MEGF10: variants seen among roughly 807,000 people sequenced by gnomAD.
MEGF10 encodes the protein multiple EGF like domains 10, also known as multiple epidermal growth factor-like domains protein 10.
In MEGF10, 86 loss-of-function variants were observed where a neutral mutation model predicts 147.5. That is an observed-to-expected ratio of 0.58 (90% CI 0.49 to 0.70). The LOEUF is 0.70. Ranked by LOEUF, MEGF10 falls within the 30% of genes least tolerant of loss-of-function variation. The probability of loss-of-function intolerance (pLI) is 0.00; values close to 1 mark genes in which losing one functional copy is unlikely to be tolerated. For missense variants in MEGF10, 1,329 were observed against 1,487.3 expected, an observed-to-expected ratio of 0.89 and a Z score of 1.75; for synonymous variants, 478 against 525.5, an observed-to-expected ratio of 0.91 and a Z score of 1.24.
Position 127,419,229 on chromosome 5 carries a change from C to T in MEGF10, c.1415C>T (p.Thr472Ile). Reference protein sequence around the residue: ...AVCSPVDGSCTCKAGWHGVDC... With the variant: ...AVCSPVDGSCICKAGWHGVDC... ...TGCTCTCCTGTGGACGGGTCTTGTA[C>T]TTGCAAGGCAGGTAAGAATGGGTAA... is the stretch of plus-strand genomic sequence containing the variant. The change falls in exon 11 of 25, where the codon ACT (threonine) becomes ATT (isoleucine). Residue 472 changes from threonine to isoleucine, a missense_variant. Thr to Ile is a moderately conservative substitution (Grantham distance 89). This residue lies in a region of MEGF10 where 980 missense variants were observed against 1,085.9 expected (regional missense o/e 0.90). Coordinates refer to ENST00000503335, the MANE Select transcript of MEGF10 (RefSeq NM_001256545.2). 6.2e-7 allele frequency: 1 copy of T among 1,613,440 alleles called. No homozygotes were observed. The highest frequency in any genetic ancestry group is 8.5e-7 in the Non-Finnish European group (1 of 1,179,848).
At chr5:127,435,640 TC>T (rs965285533) in intron 16 of MEGF10, 151 bp downstream of exon 16, 1 of 860,286 alleles carries the variant, frequency 1.2e-6, no homozygotes, top group Non-Finnish European at 1.6e-6. Context: ...TTTTTAAAAT[TC>T]TTTTTTTTTT....
At chr5:127,283,900 G>A in the MEGF10 span, among the ~76,000 whole-genome samples, 1 of 151,982 alleles carries the variant, frequency 6.6e-6, no homozygotes, top group Non-Finnish European at 1.5e-5. Context: ...ACTTTTTTTG[G>A]GGGAAAACAC....
At position 127,319,884 on chromosome 5, in the gene MEGF10, A is replaced by T. The variant is rs993719760; in HGVS notation, c.-18-11407A>T. 2.6e-5 allele frequency among the ~76,000 whole-genome samples: 4 copies of T among 152,222 alleles called. No individual in the cohort carries two copies. In the East Asian group the frequency reaches 7.7e-4, roughly 29 times the overall value. On this transcript the variant is annotated intron_variant, in intron 1 of 24. Transcript: ENST00000503335. ...ATAGCAATTCGTATTATTGGGCAAGACAGACTGACAGGATCTTGAATTTTG... is the reference window on the plus strand; with the variant it reads ...ATAGCAATTCGTATTATTGGGCAAGTCAGACTGACAGGATCTTGAATTTTG...
At chr5:127,338,930 G>A (rs41298302) in intron 2 of MEGF10, among the ~76,000 whole-genome samples, 190 bp from the exon 3 acceptor site, 107 of 152,092 alleles carry the variant, frequency 7.0e-4, no homozygotes, top group Non-Finnish European at 1.3e-3. Context: ...TATTTTAAAT[G>A]TATTGTTAAA....
rs750734987 is a variant in MEGF10 at position 127,402,537 on chromosome 5, T to A, written c.781-9T>A. 1 of 1,610,224 alleles carries A rather than the reference T, an allele frequency of 6.2e-7. No homozygotes were observed. Among genetic ancestry groups the A allele is most frequent in the South Asian group, 1.1e-5 (1 of 90,144 alleles). On this transcript the variant is annotated splice_polypyrimidine_tract_variant and intron_variant, in intron 7 of 24. Coordinates refer to ENST00000503335, the MANE Select transcript of MEGF10 (RefSeq NM_001256545.2). ...GCCCATCTAATTTTCCAAGTCTCTTTGAATGCAGGGCACAGTGTGTGGTCA... is the reference window on the plus strand; with the variant it reads ...GCCCATCTAATTTTCCAAGTCTCTTAGAATGCAGGGCACAGTGTGTGGTCA...
At chr5:127,268,756 G>A in the MEGF10 span, among the ~76,000 whole-genome samples, 1 of 152,212 alleles carries the variant, frequency 6.6e-6, no homozygotes, top group Non-Finnish European at 1.5e-5. Flanking sequence ...CTCCTAGCAC[G>A]GAGTTTGAGA....
chr5:127,329,889 T>C (rs1042427710), intron 1 of MEGF10, among the ~76,000 whole-genome samples: 3 of 152,188 alleles, frequency 2.0e-5, no homozygotes, highest in Non-Finnish European at 4.4e-5. Flanking sequence ...GATTCTCAGG[T>C]GCAAACCATT....
At chr5:127,277,374 G>A in the MEGF10 span, among the ~76,000 whole-genome samples, 3 of 152,192 alleles carry the variant, frequency 2.0e-5, no homozygotes, top group Non-Finnish European at 4.4e-5. Flanking sequence ...TGGGCCTATT[G>A]TAACTGTATC....
chr5:127,291,835 A>G (rs1279103830), intron 1 of MEGF10, among the ~76,000 whole-genome samples: 1 of 152,210 alleles, frequency 6.6e-6, no homozygotes, highest in Non-Finnish European at 1.5e-5. Flanking sequence ...TGATGGCAAT[A>G]TCTTTGCTGC....
intron 5 of MEGF10, among the ~76,000 whole-genome samples, chr5:127,383,844 C>T (rs1044757499): frequency 1.3e-5 from 2 of 152,052 alleles, no homozygotes; most frequent in African/African-American, 4.8e-5. Context: ...TCTCATAGTC[C>T]CATCGTTTAA....
intron 5 of MEGF10, among the ~76,000 whole-genome samples, chr5:127,384,414 C>G (rs12516880): frequency 0.024 from 3,688 of 152,318 alleles, 61 homozygotes; most frequent in Admixed American, 0.064. Context: ...CTTTTCACAT[C>G]AGTGAATGAA....
the MEGF10 span, among the ~76,000 whole-genome samples, chr5:127,243,328 A>G: frequency 6.6e-6 from 1 of 152,222 alleles, no homozygotes; most frequent in Non-Finnish European, 1.5e-5. Context: ...ATTCAGGACT[A>G]TTAAAGATGG....
intron 1 of MEGF10, among the ~76,000 whole-genome samples, chr5:127,319,562 C>G (rs1310417533): frequency 1.3e-5 from 2 of 152,168 alleles, no homozygotes; most frequent in Admixed American, 6.5e-5. Flanking sequence ...TAGGAGATGT[C>G]AGTTTACCTT....
At chr5:127,351,099 A>G (rs1762071881) in intron 4 of MEGF10, among the ~76,000 whole-genome samples, 1 of 152,212 alleles carries the variant, frequency 6.6e-6, no homozygotes, top group African/African-American at 2.4e-5. Context: ...GGGTGATTAT[A>G]GTCAGTAATA....
intron 5 of MEGF10, among the ~76,000 whole-genome samples, chr5:127,391,102 G>GCGCGCGCGCGCGCA (rs1426600414): frequency 1.3e-4 from 7 of 53,892 alleles, no homozygotes; most frequent in Non-Finnish European, 2.5e-4. Flanking sequence ...GCGCGCGCGC[G>GCGCGCGCGCGCGCA]CACACACACA....
rs760320215 is a variant in MEGF10 at position 127,326,844 on chromosome 5, G to A, written c.-18-4447G>A. On this transcript the variant is annotated intron_variant, in intron 1 of 24. Transcript: ENST00000503335. The stretch of plus-strand genomic sequence containing the variant: ...TGAGAAAAAACTGGTTGAGGGTACC[G>A]AAGTTATTTCTATGTGTGCACTTAA... Among the ~76,000 whole-genome samples the A allele has an allele frequency of 3.2e-4, 49 of 152,270 alleles. 1 individual carries two copies. The highest frequency in any genetic ancestry group is 4.1e-4 in the South Asian group (2 of 4,822).
chr5:127,394,602 A>G (rs964596358), intron 5 of MEGF10, among the ~76,000 whole-genome samples: 2 of 152,158 alleles, frequency 1.3e-5, no homozygotes, highest in African/African-American at 4.8e-5. Context: ...GGGACATATC[A>G]TGTAATTTTC....
At chr5:127,398,820 T>G (rs1168891466) in intron 7 of MEGF10, 24 bp downstream of exon 7, 1 of 1,612,908 alleles carries the variant, frequency 6.2e-7, no homozygotes, top group Admixed American at 1.7e-5. Flanking sequence ...CCACCTCCTC[T>G]GCCCCTGCCC....
the MEGF10 span, among the ~76,000 whole-genome samples, chr5:127,240,548 C>T: frequency 6.6e-6 from 1 of 152,246 alleles, no homozygotes; most frequent in East Asian, 1.9e-4. Flanking sequence ...AGGTGATTGT[C>T]TCCTGAAGCT....
Sources: allele counts gnomAD v4.1 joint callset (sites outside exome capture counted in the v4.1 genomes callset), GRCh38; gene constraint gnomAD v4.1.1; regional missense constraint gnomAD v4.1.1; transcripts MANE v1.5; gene names NCBI Gene and HGNC (gene_info 2026-07-23, HGNC 2026-07-21).